The following RBFOX1 variants were observed in gnomAD, a reference collection of about 807,000 sequenced individuals.
RBFOX1 encodes the protein RNA binding protein fox-1 homolog 1.
A neutral mutation model predicts 57.7 loss-of-function variants in RBFOX1; 8 were observed. The ratio of observed to expected loss-of-function variants is 0.14; its 90% CI spans 0.08 to 0.25. RBFOX1 has a LOEUF of 0.25. Among genes scored for constraint, RBFOX1 ranks in the 10% least tolerant of loss-of-function variants. The probability of loss-of-function intolerance (pLI) is 1.00; values close to 1 mark genes in which losing one functional copy is unlikely to be tolerated. For synonymous variants in RBFOX1, 326 were observed against 222.4 expected (o/e 1.47, Z -4.15); for missense variants, 611 against 548.5 (o/e 1.11, Z -1.14).
chr16:6,467,705 C>T (rs539302397), intron 2 of RBFOX1, among the ~76,000 whole-genome samples: 1 of 152,142 alleles, frequency 6.6e-6, no homozygotes, highest in Admixed American at 6.6e-5. Flanking sequence ...GTGTGATATG[C>T]CACTGGACTC....
intron 11 of RBFOX1, among the ~76,000 whole-genome samples, chr16:7,652,228 T>C (rs1370730686): frequency 6.6e-6 from 1 of 152,068 alleles, no homozygotes; most frequent in Non-Finnish European, 1.5e-5. Flanking sequence ...CCTGGCCCCA[T>C]GGGCCCTGAT....
chr16:7,508,008 A>T (rs1163756421), intron 4 of RBFOX1, among the ~76,000 whole-genome samples: 3 of 150,806 alleles, frequency 2.0e-5, no homozygotes, highest in East Asian at 2.0e-4. Flanking sequence ...TCTTTTTGAG[A>T]TGGAGTCTCA....
intron 3 of RBFOX1, among the ~76,000 whole-genome samples, chr16:6,784,956 C>T (rs527275479): frequency 1.3e-5 from 2 of 152,096 alleles, no homozygotes; most frequent in South Asian, 2.1e-4. Context: ...TTCTTAACTG[C>T]TCATATAGGG....
chr16:7,471,371 T>C (rs369157264), intron 4 of RBFOX1, among the ~76,000 whole-genome samples: 6 of 152,322 alleles, frequency 3.9e-5, no homozygotes, highest in African/African-American at 1.4e-4. Context: ...TTTTTTTTAA[T>C]GTACATACAC....
At chr16:7,110,653 A>T (rs943658882) in intron 4 of RBFOX1, among the ~76,000 whole-genome samples, 2 of 152,170 alleles carry the variant, frequency 1.3e-5, no homozygotes, top group Admixed American at 6.5e-5. Context: ...GAAGAAACCT[A>T]AACCATATTC....
chr16:7,024,346 A>G (rs1489851574), intron 3 of RBFOX1, among the ~76,000 whole-genome samples: 1 of 152,184 alleles, frequency 6.6e-6, no homozygotes, highest in Non-Finnish European at 1.5e-5. Flanking sequence ...ATTTTTTAAA[A>G]TAATAATTCT....
At chr16:5,311,540 C>T (rs1004830038) in intron 1 of RBFOX1, among the ~76,000 whole-genome samples, 4 of 152,210 alleles carry the variant, frequency 2.6e-5, no homozygotes, top group African/African-American at 4.8e-5. Context: ...GTTCTGTTTT[C>T]ACCACATCCA....
At chr16:7,343,290 G>A (rs1450627886) in intron 4 of RBFOX1, among the ~76,000 whole-genome samples, 2 of 152,190 alleles carry the variant, frequency 1.3e-5, no homozygotes, top group Non-Finnish European at 2.9e-5. Flanking sequence ...TCGCTTCGAA[G>A]TCCCGCTGCA....
chr16:5,818,718 G>A (rs1479162214), intron 3 of RBFOX1, among the ~76,000 whole-genome samples: 2 of 152,202 alleles, frequency 1.3e-5, no homozygotes, highest in African/African-American at 4.8e-5. Flanking sequence ...AACAAAGAAT[G>A]AGCTTCAAGG....
chr16:6,290,883 A>T (rs950158850), intron 1 of RBFOX1, among the ~76,000 whole-genome samples: 2 of 152,176 alleles, frequency 1.3e-5, no homozygotes, highest in African/African-American at 4.8e-5. Context: ...TGAGTCTATA[A>T]AGTGAAAGCA....
intron 2 of RBFOX1, among the ~76,000 whole-genome samples, chr16:6,572,600 CT>C (rs1216544776): frequency 4.6e-4 from 67 of 146,364 alleles, no homozygotes; most frequent in Admixed American, 6.8e-4. Flanking sequence ...CCTTCTCTGT[CT>C]TTTTTTTTTT....
At position 5,992,586 on chromosome 16, in the gene RBFOX1, G is replaced by A. The variant is rs554914129; in HGVS notation, c.351+125251G>A. ...CTTATGTGTGTGTTGGGGAGTTTGT[G>A]GTTGCTTCTCTAGGAATCCGATGAG... On this transcript the variant is annotated intron_variant, in intron 4 of 19. Transcript: ENST00000641259. Among the ~76,000 whole-genome samples, 17 of 152,278 alleles carry A rather than the reference G, an allele frequency of 1.1e-4. 1 individual carries two copies. The South Asian group carries it at 2.9e-3, about 26-fold the overall frequency.
At position 5,929,708 on chromosome 16, in the gene RBFOX1, T is replaced by G. The variant is rs191693341; in HGVS notation, c.351+62373T>G. Among the ~76,000 whole-genome samples, 140 of 151,960 alleles carry G rather than the reference T, an allele frequency of 9.2e-4. 1 individual carries two copies. Among genetic ancestry groups the G allele is most frequent in the Admixed American group, 3.0e-3 (46 of 15,262 alleles). On this transcript the variant is annotated intron_variant, in intron 4 of 19. Coordinates refer to the RBFOX1 transcript ENST00000641259. ...CTGAGTGATCATCCCTGAGCATCTG[T>G]TTTTTTTATGTTAAAATGGGAATAA...
In RBFOX1 at chr16:6,785,136, G is replaced by C. The variant is rs74880355; in HGVS notation, c.-16+130486G>C. On this transcript the variant is annotated intron_variant, in intron 3 of 15. Transcript: ENST00000550418. ...CCAAAAATATTCATTATTAAATATA[G>C]TGTTATATTTCATTTCTGAACAAAG... Among the ~76,000 whole-genome samples, 3,158 of 151,438 alleles carry C rather than the reference G, an allele frequency of 0.021. 261 individuals are homozygous for C. The East Asian group carries it at 0.28, about 13-fold the overall frequency.
At chr16:5,593,789 T>C (rs947038732) in intron 2 of RBFOX1, among the ~76,000 whole-genome samples, 21 of 152,196 alleles carry the variant, frequency 1.4e-4, no homozygotes, top group African/African-American at 4.8e-4. Context: ...TTCCTTTACT[T>C]TCCTAATCAA....
rs148997410 is a variant in RBFOX1 at position 6,734,564 on chromosome 16, G to C, written c.-16+79914G>C. On this transcript the variant is annotated intron_variant, in intron 3 of 15. Transcript: ENST00000550418. ...TGGCCCAACTAGGAGTTCAGTCCAT[G>C]TAATTAAGACTGTGCTCTTAACTAC... is the stretch of plus-strand genomic sequence containing the variant. 1.2e-3 allele frequency among the ~76,000 whole-genome samples: 136 copies of C among 110,612 alleles called. 2 individuals carry two copies. The East Asian group carries it at 0.043, about 35-fold the overall frequency. The allele number at this position is 110,612 out of a possible 152,430, so 72.6% of individuals were successfully genotyped here. A position where few individuals can be genotyped will look rare whatever the true frequency, so the allele number is the denominator to read the frequency against.
chr16:5,319,138 C>G (rs1375061012), intron 1 of RBFOX1, among the ~76,000 whole-genome samples: 1 of 151,926 alleles, frequency 6.6e-6, no homozygotes, highest in Admixed American at 6.6e-5. Flanking sequence ...AACAAACAAA[C>G]AAACAAACAA....
At chr16:5,718,791 C>T (rs1724144013) in intron 3 of RBFOX1, among the ~76,000 whole-genome samples, 1 of 152,070 alleles carries the variant, frequency 6.6e-6, no homozygotes, top group African/African-American at 2.4e-5. Context: ...TACCTGTAAT[C>T]CCAGCTACTC....
At chr16:5,896,329 T>C (rs2058162848) in intron 4 of RBFOX1, among the ~76,000 whole-genome samples, 1 of 152,012 alleles carries the variant, frequency 6.6e-6, no homozygotes, top group South Asian at 2.1e-4. Flanking sequence ...TGGGCAAGGG[T>C]CTTTCATGAA....
Sources: gnomAD v4.1 joint callset for allele counts (sites outside exome capture counted in the v4.1 genomes callset) on GRCh38, gnomAD v4.1.1 for gene constraint, MANE v1.5 for transcripts, NCBI Gene and HGNC (gene_info 2026-07-23, HGNC 2026-07-21) for gene names.